The following PDE4D variants were observed in gnomAD, a reference collection of about 807,000 sequenced individuals.
PDE4D encodes the protein phosphodiesterase 4D.
A neutral mutation model predicts 87.4 loss-of-function variants in PDE4D; 24 were observed. The observed-to-expected ratio is 0.27, with a 90% CI of 0.20 to 0.39. The LOEUF (loss-of-function observed/expected upper bound fraction) is 0.39. Ranked by LOEUF, PDE4D falls within the 10% of genes least tolerant of loss-of-function variation. PDE4D has a pLI of 1.00. For synonymous variants in PDE4D, 384 were observed against 383.2 expected, an observed-to-expected ratio of 1.00 and a Z score of -0.02; for missense variants, 714 against 1,041.0, an observed-to-expected ratio of 0.69 and a Z score of 4.32.
intron 2 of PDE4D, among the ~76,000 whole-genome samples, chr5:60,079,556 G>A (rs898340816): frequency 1.3e-5 from 2 of 152,152 alleles, no homozygotes; most frequent in East Asian, 3.9e-4. Flanking sequence ...TTTTGTATAA[G>A]GTATAAAGAA....
intron 1 of PDE4D, among the ~76,000 whole-genome samples, chr5:60,235,669 A>G (rs1277467790): frequency 6.6e-6 from 1 of 151,896 alleles, no homozygotes; most frequent in African/African-American, 2.4e-5. Flanking sequence ...ACTGAAGCCC[A>G]GAGAGGCCAG....
chr5:60,397,528 AG>A (rs1188054471), intron 1 of PDE4D, among the ~76,000 whole-genome samples: 2 of 152,250 alleles, frequency 1.3e-5, no homozygotes, highest in Non-Finnish European at 2.9e-5. Context: ...AAGTGAAATA[AG>A]CCAAGCACAG....
At chr5:59,269,102 A>G (rs1763348996) in intron 1 of PDE4D, among the ~76,000 whole-genome samples, 1 of 151,680 alleles carries the variant, frequency 6.6e-6, no homozygotes, top group Non-Finnish European at 1.5e-5. Flanking sequence ...TCCGTGGGGA[A>G]GAAAAAAAAA....
chr5:59,278,710 T>C (rs1248069602), intron 1 of PDE4D, among the ~76,000 whole-genome samples: 1 of 152,132 alleles, frequency 6.6e-6, no homozygotes, highest in Non-Finnish European at 1.5e-5. Context: ...TTTATATTTA[T>C]TCTGTAAATA....
At chr5:60,083,097 C>T (rs577419752) in intron 2 of PDE4D, among the ~76,000 whole-genome samples, 3 of 152,162 alleles carry the variant, frequency 2.0e-5, no homozygotes, top group South Asian at 2.1e-4. Flanking sequence ...GAGTCATGTC[C>T]GTCCCCTCCA....
chr5:60,331,580 AC>A (rs1757311507), intron 1 of PDE4D, among the ~76,000 whole-genome samples: 1 of 152,144 alleles, frequency 6.6e-6, no homozygotes. Context: ...GTTTTGGACT[AC>A]CCTGGCAGGA....
intron 4 of PDE4D, among the ~76,000 whole-genome samples, chr5:59,182,184 A>G (rs1335469937): frequency 6.6e-6 from 1 of 152,178 alleles, no homozygotes; most frequent in African/African-American, 2.4e-5. Flanking sequence ...AAACCAAAAT[A>G]TTAATATTTT....
chr5:59,657,034 C>T (rs941453190), intron 1 of PDE4D, among the ~76,000 whole-genome samples: 17 of 152,182 alleles, frequency 1.1e-4, no homozygotes, highest in Middle Eastern at 3.4e-3. Context: ...ATATGAGGCA[C>T]GTGGCAAGAA....
At chr5:59,114,763 G>A (rs1033964757) in intron 5 of PDE4D, among the ~76,000 whole-genome samples, 2 of 151,992 alleles carry the variant, frequency 1.3e-5, no homozygotes, top group Admixed American at 6.6e-5. Context: ...GAAACTTGAT[G>A]AGAAATGAAC....
intron 1 of PDE4D, among the ~76,000 whole-genome samples, chr5:60,407,159 G>C (rs978349119): frequency 1.3e-5 from 2 of 152,142 alleles, no homozygotes; most frequent in Admixed American, 6.5e-5. Flanking sequence ...GAGGGTCGTT[G>C]AGTACCTGAG....
At chr5:59,896,550 C>G (rs1216334112), upstream of PDE4D, among the ~76,000 whole-genome samples, 1 of 152,188 alleles carries the variant, frequency 6.6e-6, no homozygotes, top group African/African-American at 2.4e-5. Flanking sequence ...GTTTGATCAT[C>G]ACTACCCTGC....
intron 1 of PDE4D, among the ~76,000 whole-genome samples, chr5:59,350,610 C>A (rs1177610841): frequency 6.6e-6 from 1 of 152,124 alleles, no homozygotes; most frequent in South Asian, 2.1e-4. Context: ...TAATATGTAC[C>A]ACACACTCTT....
At chr5:59,031,011 G>A (rs796329093) in intron 6 of PDE4D, among the ~76,000 whole-genome samples, 4 of 151,968 alleles carry the variant, frequency 2.6e-5, no homozygotes, top group African/African-American at 9.7e-5. Context: ...CATCCCACCC[G>A]CCAACAGACC....
chr5:59,035,323 A>C (rs1186092596), intron 6 of PDE4D, among the ~76,000 whole-genome samples: 1 of 152,238 alleles, frequency 6.6e-6, no homozygotes, highest in Non-Finnish European at 1.5e-5. Flanking sequence ...CTAAACTTCT[A>C]ATTAGAACTT....
chr5:59,257,051 A>G (rs4699939), intron 1 of PDE4D, among the ~76,000 whole-genome samples: 54,543 of 151,884 alleles, frequency 0.36, 10,176 homozygotes, highest in Admixed American at 0.44. Context: ...TGATACATAC[A>G]TCTTTAATAA....
chr5:59,520,157 G>A (rs532846970), intron 1 of PDE4D, among the ~76,000 whole-genome samples: 9 of 152,254 alleles, frequency 5.9e-5, no homozygotes, highest in South Asian at 4.2e-4. Context: ...CAGCTACTTC[G>A]AAGGCTAAGG....
intron 5 of PDE4D, among the ~76,000 whole-genome samples, chr5:59,087,230 A>G (rs1273687320): frequency 6.6e-6 from 1 of 152,182 alleles, no homozygotes; most frequent in Admixed American, 6.6e-5. Context: ...CCCACCTGTC[A>G]TCCCAGCACT....
At chr5:59,101,109 G>A (rs996589311) in intron 5 of PDE4D, among the ~76,000 whole-genome samples, 2 of 152,098 alleles carry the variant, frequency 1.3e-5, no homozygotes, top group Non-Finnish European at 2.9e-5. Flanking sequence ...GTAAAGATCA[G>A]CCCTCACTCA....
chr5:59,019,893 A>G (rs1373750224), intron 6 of PDE4D, among the ~76,000 whole-genome samples: 1 of 151,898 alleles, frequency 6.6e-6, no homozygotes, highest in African/African-American at 2.4e-5. Flanking sequence ...CTATCTATCT[A>G]TCTATCTATC....
Sources: gnomAD v4.1 joint callset for allele counts (sites outside exome capture counted in the v4.1 genomes callset) on GRCh38, gnomAD v4.1.1 for gene constraint, MANE v1.5 for transcripts, NCBI Gene and HGNC (gene_info 2026-07-23, HGNC 2026-07-21) for gene names.